METTL25: variants seen among roughly 807,000 people sequenced by gnomAD.
METTL25 encodes the protein methyltransferase like 25.
Under a neutral mutation model 71.6 loss-of-function variants are expected in METTL25, and 64 were observed. That is an observed-to-expected ratio of 0.89 (90% CI 0.73 to 1.10). METTL25 has a LOEUF of 1.10. Among genes scored for constraint, METTL25 ranks in the 50% least tolerant of loss-of-function variants. The pLI, the probability that METTL25 is intolerant of heterozygous loss-of-function variation, is 0.00. For missense variants in METTL25, 807 were observed against 707.0 expected, an observed-to-expected ratio of 1.14 and a Z score of -1.60; for synonymous variants, 287 against 250.3, an observed-to-expected ratio of 1.15 and a Z score of -1.38.
chr12:82,446,060 T>G (rs1199273493), intron 8 of METTL25, among the ~76,000 whole-genome samples: 1 of 152,020 alleles, frequency 6.6e-6, no homozygotes, highest in Non-Finnish European at 1.5e-5. Context: ...TAAAATAGAC[T>G]TCAAGCCAAA....
At chr12:82,448,806 A>G (rs1890930395) in intron 8 of METTL25, among the ~76,000 whole-genome samples, 2 of 43,146 alleles carry the variant, frequency 4.6e-5, no homozygotes, top group Non-Finnish European at 1.2e-4. Flanking sequence ...ATAGCTATTT[A>G]CAGCAAAATT....
chr12:82,380,138 A>G lies in METTL25; in HGVS notation c.260-6665A>G, dbSNP rs1350556819. On this transcript the variant is annotated intron_variant, in intron 1 of 11. Coordinates refer to ENST00000248306, the MANE Select transcript of METTL25 (RefSeq NM_032230.3). ...TCTAGGCTGCGTGTTAGGAATATAT[A>G]TTAAAATATAGTTAATTGTTCCCCT... Among the ~76,000 whole-genome samples, 10 of 152,294 alleles carry G rather than the reference A, an allele frequency of 6.6e-5. No homozygotes were observed. In the East Asian group the frequency reaches 1.7e-3, roughly 26 times the overall value.
intron 9 of METTL25, among the ~76,000 whole-genome samples, chr12:82,458,406 C>T (rs77518202): frequency 0.019 from 2,871 of 152,242 alleles, 85 homozygotes; most frequent in African/African-American, 0.066. Flanking sequence ...ACCTCCCAAA[C>T]TGGAAAGACA....
At chr12:82,366,531 A>C (rs1470893822) in intron 1 of METTL25, among the ~76,000 whole-genome samples, 2 of 152,014 alleles carry the variant, frequency 1.3e-5, no homozygotes, top group African/African-American at 4.8e-5. Context: ...CAACACAGAA[A>C]GTGTATGTCC....
intron 1 of METTL25, among the ~76,000 whole-genome samples, chr12:82,383,721 T>C (rs1176565472): frequency 1.3e-5 from 2 of 152,188 alleles, no homozygotes; most frequent in African/African-American, 4.8e-5. Context: ...ATAAATATTA[T>C]ACATTCAGTG....
At chr12:82,386,990 A>G (rs1300914647) in intron 2 of METTL25, 23 bp downstream of exon 2, 3 of 1,587,956 alleles carry the variant, frequency 1.9e-6, no homozygotes, top group Non-Finnish European at 2.6e-6. Context: ...ATGTGTGTGT[A>G]TGTGTGCTTT....
chr12:82,377,274 C>T (rs962814360), intron 1 of METTL25, among the ~76,000 whole-genome samples: 21 of 152,102 alleles, frequency 1.4e-4, no homozygotes, highest in Middle Eastern at 3.2e-3. Flanking sequence ...TGGTTGCATG[C>T]GTCACCTAGC....
intron 5 of METTL25, among the ~76,000 whole-genome samples, chr12:82,420,566 A>G (rs1004832767): frequency 2.6e-5 from 4 of 152,154 alleles, no homozygotes; most frequent in South Asian, 2.1e-4. Context: ...AATACATATC[A>G]GGTGTGAATT....
At chr12:82,375,136 T>C (rs1370469916) in intron 1 of METTL25, among the ~76,000 whole-genome samples, 1 of 152,214 alleles carries the variant, frequency 6.6e-6, no homozygotes, top group Admixed American at 6.5e-5. Context: ...AAATAATGTA[T>C]TGCATTTTAG....
chr12:82,412,501 A>G (rs2137064772), intron 5 of METTL25, among the ~76,000 whole-genome samples: 1 of 152,206 alleles, frequency 6.6e-6, no homozygotes, highest in African/African-American at 2.4e-5. Flanking sequence ...CTGGGTTGGC[A>G]AGAGATGCAC....
chr12:82,465,172 GTCT>G (rs1305376895), intron 9 of METTL25, among the ~76,000 whole-genome samples: 3 of 151,808 alleles, frequency 2.0e-5, no homozygotes, highest in African/African-American at 7.3e-5. Flanking sequence ...GGGCATCTTT[GTCT>G]TGCTAAAGTT....
At chr12:82,455,040 T>C (rs1891391541) in intron 8 of METTL25, among the ~76,000 whole-genome samples, 1 of 151,780 alleles carries the variant, frequency 6.6e-6, no homozygotes, top group South Asian at 2.1e-4. Flanking sequence ...GAAGCCACCC[T>C]CTTATGTACT....
At chr12:82,439,056 T>C (rs910253259) in intron 8 of METTL25, 1 of 236,186 alleles carries the variant, frequency 4.2e-6, no homozygotes, top group Non-Finnish European at 8.1e-6. Flanking sequence ...TTTTGAAGTA[T>C]TAAAATATTA....
intron 8 of METTL25, among the ~76,000 whole-genome samples, chr12:82,447,773 A>G (rs1890859179): frequency 6.6e-6 from 1 of 152,054 alleles, no homozygotes; most frequent in South Asian, 2.1e-4. Context: ...TACATTCTTT[A>G]TGCCTTACAC....
chr12:82,475,903 C>T (rs1276978073), intron 9 of METTL25, among the ~76,000 whole-genome samples: 2 of 151,954 alleles, frequency 1.3e-5, no homozygotes, highest in Non-Finnish European at 2.9e-5. Context: ...CTGAAATGCT[C>T]CAATGAGCAT....
At chr12:82,471,766 T>C (rs1003454642) in intron 9 of METTL25, among the ~76,000 whole-genome samples, 18 of 152,326 alleles carry the variant, frequency 1.2e-4, no homozygotes, top group Middle Eastern at 3.4e-3. Context: ...ATGCAAAGTG[T>C]TTTCTCAGTA....
At chr12:82,458,563 A>G (rs2137261726) in intron 9 of METTL25, among the ~76,000 whole-genome samples, 1 of 152,258 alleles carries the variant, frequency 6.6e-6, no homozygotes, top group African/African-American at 2.4e-5. Flanking sequence ...AACCACTCAT[A>G]AGAGACCACC....
chr12:82,446,622 T>G (rs1592738220), intron 8 of METTL25, among the ~76,000 whole-genome samples: 2 of 150,648 alleles, frequency 1.3e-5, no homozygotes, highest in African/African-American at 2.4e-5. Flanking sequence ...TTTTTTTTTT[T>G]TTTTTTGTTT....
intron 5 of METTL25, among the ~76,000 whole-genome samples, chr12:82,416,788 A>G (rs1341215346): frequency 6.6e-6 from 1 of 151,996 alleles, no homozygotes; most frequent in African/African-American, 2.4e-5. Context: ...CTTAGTTTTA[A>G]TATATTTTAG....
Sources: gnomAD v4.1 joint callset for allele counts (sites outside exome capture counted in the v4.1 genomes callset) on GRCh38, gnomAD v4.1.1 for gene constraint, MANE v1.5 for transcripts, NCBI Gene and HGNC (gene_info 2026-07-23, HGNC 2026-07-21) for gene names.